INSR: variants seen among roughly 807,000 people sequenced by gnomAD.
INSR encodes IR.
Under a neutral mutation model 142.6 loss-of-function variants are expected in INSR, and 67 were observed. The observed-to-expected ratio is 0.47, with a 90% CI of 0.39 to 0.58. The LOEUF (loss-of-function observed/expected upper bound fraction) is 0.58, where lower values mean the gene tolerates loss of function less well. Among genes scored for constraint, INSR ranks in the 20% least tolerant of loss-of-function variants. INSR has a pLI of 0.00. For missense variants in INSR, 1,248 were observed against 1,833.2 expected (o/e 0.68, Z 5.83); for synonymous variants, 756 against 743.1 (o/e 1.02, Z -0.28).
chr19:7,118,643 A>G (rs1432775725), intron 21 of INSR, among the ~76,000 whole-genome samples: 2 of 151,902 alleles, frequency 1.3e-5, no homozygotes, highest in Non-Finnish European at 2.9e-5. Context: ...TAAGTGTATA[A>G]AGAATTAACA....
chr19:7,234,071 A>T (rs1049901419), intron 2 of INSR, among the ~76,000 whole-genome samples: 4 of 151,414 alleles, frequency 2.6e-5, no homozygotes, highest in Non-Finnish European at 5.9e-5. Context: ...TGTCCAGCTA[A>T]TTTTTTTTAT....
chr19:7,135,634 C>A (rs1972903621), intron 13 of INSR, among the ~76,000 whole-genome samples: 1 of 150,706 alleles, frequency 6.6e-6, no homozygotes. Flanking sequence ...AATTAAATAG[C>A]TAGAGGTGGC....
At chr19:7,264,451 A>T (rs1329581511) in intron 2 of INSR, among the ~76,000 whole-genome samples, 3 of 152,242 alleles carry the variant, frequency 2.0e-5, no homozygotes, top group African/African-American at 7.2e-5. Flanking sequence ...ACAAAAATAA[A>T]TTCATAGAGG....
intron 2 of INSR, among the ~76,000 whole-genome samples, chr19:7,199,360 T>C (rs749762032): frequency 3.3e-5 from 5 of 151,790 alleles, no homozygotes; most frequent in Admixed American, 6.6e-5. Context: ...GAGGGTGTGG[T>C]ATGGAGTTTG....
intron 1 of INSR, among the ~76,000 whole-genome samples, chr19:7,277,859 A>G (rs1968106907): frequency 6.6e-6 from 1 of 152,056 alleles, no homozygotes; most frequent in Non-Finnish European, 1.5e-5. Flanking sequence ...CAGGAGGCCC[A>G]GGCGGGCAGA....
At position 7,223,083 on chromosome 19, in the gene INSR, T is replaced by C. The variant is rs1383288015; in HGVS notation, c.653-38446A>G. On this transcript the variant is annotated intron_variant, in intron 2 of 21. Transcript: ENST00000302850. ...CTGTAATCCCAGCTACTCGGGAGGCTGAGGCAGGAGAATTGCTTGAACCTG... is the reference window on the plus strand; with the variant it reads ...CTGTAATCCCAGCTACTCGGGAGGCCGAGGCAGGAGAATTGCTTGAACCTG... 2.6e-5 allele frequency among the ~76,000 whole-genome samples: 4 copies of C among 152,182 alleles called. No individual in the cohort carries two copies. The East Asian group carries it at 7.7e-4, about 29-fold the overall frequency.
At chr19:7,199,144 G>A (rs116307174) in intron 2 of INSR, among the ~76,000 whole-genome samples, 3 of 152,240 alleles carry the variant, frequency 2.0e-5, no homozygotes, top group African/African-American at 7.2e-5. Flanking sequence ...GTCTACCAAA[G>A]TGTTGGGATT....
intron 2 of INSR, among the ~76,000 whole-genome samples, chr19:7,197,516 G>GTGGGTGTGTGTGTGTGTGTGT: frequency 1.4e-5 from 1 of 70,856 alleles, no homozygotes; most frequent in Non-Finnish European, 2.8e-5. Context: ...TGGGAGTGGG[G>GTGGGTGTGTGTGTGTGTGTGT]GTGTGTGTGT....
intron 2 of INSR, among the ~76,000 whole-genome samples, chr19:7,202,999 T>TTA (rs1975008360): frequency 1.8e-5 from 1 of 55,806 alleles, no homozygotes; most frequent in African/African-American, 5.3e-5. Flanking sequence ...TTTTGTTGTT[T>TTA]TTTTTTTTTT....
intron 2 of INSR, among the ~76,000 whole-genome samples, chr19:7,237,836 T>TAAAA (rs1976210784): frequency 6.9e-6 from 1 of 145,896 alleles, no homozygotes; most frequent in African/African-American, 2.6e-5. Flanking sequence ...ATAAATAAAA[T>TAAAA]TAAATTAAAT....
At chr19:7,133,949 A>G (rs1174285571) in intron 13 of INSR, among the ~76,000 whole-genome samples, 3 of 152,174 alleles carry the variant, frequency 2.0e-5, no homozygotes, top group Non-Finnish European at 4.4e-5. Flanking sequence ...CATTTAGCCT[A>G]TGGGATATAG....
chr19:7,254,053 A>G (rs1976817132), intron 2 of INSR, among the ~76,000 whole-genome samples: 1 of 151,148 alleles, frequency 6.6e-6, no homozygotes, highest in Admixed American at 6.6e-5. Context: ...AAAAGAAAAG[A>G]AAAGAAAAAA....
At chr19:7,212,393 G>C (rs935989395) in intron 2 of INSR, among the ~76,000 whole-genome samples, 2 of 152,072 alleles carry the variant, frequency 1.3e-5, no homozygotes, top group Non-Finnish European at 2.9e-5. Context: ...CAAGCCCTGC[G>C]ATTCCCGCTC....
chr19:7,243,015 C>A (rs545005556), intron 2 of INSR, among the ~76,000 whole-genome samples: 11 of 152,028 alleles, frequency 7.2e-5, no homozygotes, highest in Non-Finnish European at 1.5e-4. Context: ...ATCCCCCCAA[C>A]ACAGACACAC....
intron 10 of INSR, 46 bp downstream of exon 10, chr19:7,152,680 C>A: frequency 6.6e-7 from 1 of 1,516,184 alleles, no homozygotes; most frequent in Non-Finnish European, 9.1e-7. Flanking sequence ...CCACCAACAC[C>A]AAGCCAATTG....
At chr19:7,248,917 GC>G (rs1976621155) in intron 2 of INSR, among the ~76,000 whole-genome samples, 1 of 151,742 alleles carries the variant, frequency 6.6e-6, no homozygotes. Flanking sequence ...GCGCCACCAC[GC>G]CCAGCTAATT....
chr19:7,140,786 T>TG (rs1168630872), intron 13 of INSR, among the ~76,000 whole-genome samples: 1 of 151,676 alleles, frequency 6.6e-6, no homozygotes, highest in East Asian at 1.9e-4. Flanking sequence ...TTTTTTTTTT[T>TG]GCCTAGCTGT....
chr19:7,116,976 T>A lies in INSR; in HGVS notation c.*80A>T, dbSNP rs1306513372. On this transcript the variant is annotated 3_prime_UTR_variant, in exon 22 of 22. Transcript: ENST00000302850. ...ATTGGACATGGTAGAGTCGTGAGAA[T>A]CCTGAGTTTTCCAGAGGCTTTCAAA... is the stretch of plus-strand genomic sequence containing the variant. The A allele has an allele frequency of 1.1e-4, 110 of 1,015,588 alleles. No homozygotes were observed. The highest frequency in any genetic ancestry group is 3.3e-4 in the East Asian group (14 of 41,808). The allele number at this position is 1,015,588 out of a possible 1,614,324, so 62.9% of individuals were successfully genotyped here. A position where few individuals can be genotyped will look rare whatever the true frequency, so the allele number is the denominator to read the frequency against.
chr19:7,223,139 C>T (rs755922275), intron 2 of INSR, among the ~76,000 whole-genome samples: 7 of 152,090 alleles, frequency 4.6e-5, no homozygotes, highest in Non-Finnish European at 8.8e-5. Flanking sequence ...GCTGAGACTG[C>T]GCCACTGCAC....
Sources: allele counts gnomAD v4.1 joint callset (sites outside exome capture counted in the v4.1 genomes callset), GRCh38; gene constraint gnomAD v4.1.1; transcripts MANE v1.5; gene names NCBI Gene and HGNC (gene_info 2026-07-23, HGNC 2026-07-21).